Variants in TSPEAR observed in about 807,000 individuals in gnomAD.
TSPEAR encodes thrombospondin type laminin G domain and EAR repeats.
Under a neutral mutation model 71.6 loss-of-function variants are expected in TSPEAR, and 69 were observed. The ratio of observed to expected loss-of-function variants is 0.96; its 90% CI spans 0.79 to 1.18. The LOEUF is 1.18. TSPEAR is among the 50% of genes most tolerant of loss of function. The probability of loss-of-function intolerance (pLI) is 0.00; values close to 1 mark genes in which losing one functional copy is unlikely to be tolerated. For synonymous variants in TSPEAR, 402 were observed against 387.2 expected (o/e 1.04, Z -0.45); for missense variants, 971 against 894.9 (o/e 1.09, Z -1.09).
chr21:44,707,167 C>T (rs1168586886), intron 1 of TSPEAR, among the ~76,000 whole-genome samples: 1 of 152,180 alleles, frequency 6.6e-6, no homozygotes, highest in African/African-American at 2.4e-5. Context: ...CCACTGGACG[C>T]GGATTTGGGA....
Position 44,601,685 on chromosome 21 carries a change from C to T in TSPEAR, c.83-33680G>A, listed in dbSNP as rs138554312. ...TCTCTCCTTTGCCGCCCCGCATGCTCCCGCCCGGCCTGCTGTGGCCCCACC... is the reference window on the plus strand; with the variant it reads ...TCTCTCCTTTGCCGCCCCGCATGCTTCCGCCCGGCCTGCTGTGGCCCCACC... On this transcript the variant is annotated intron_variant, in intron 1 of 11. Coordinates refer to ENST00000323084, the MANE Select transcript of TSPEAR (RefSeq NM_144991.3). 16 of 1,612,446 alleles carry T rather than the reference C, an allele frequency of 9.9e-6. No individual in the cohort carries two copies. The Admixed American group carries it at 1.2e-4, about 12-fold the overall frequency.
In TSPEAR at chr21:44,638,408, G is replaced by C. The variant is rs1466802920; in HGVS notation, c.83-70403C>G. 5 of 395,544 alleles carry C rather than the reference G, an allele frequency of 1.3e-5. No homozygotes were observed. The Admixed American group carries it at 2.2e-4, about 18-fold the overall frequency. 24.5% of individuals were successfully genotyped at this position (395,544 alleles called of 1,614,324 possible). Reference sequence around the variant, plus strand: ...CCCCAGCAGGCCTGGTTCCACCCTGGGCAGCACCCCCTCTAGTTCTAATAA... The same window carrying C: ...CCCCAGCAGGCCTGGTTCCACCCTGCGCAGCACCCCCTCTAGTTCTAATAA... On this transcript the variant is annotated intron_variant, in intron 1 of 11. Coordinates refer to ENST00000323084, the MANE Select transcript of TSPEAR (RefSeq NM_144991.3).
rs143833189 is a variant in TSPEAR, at chr21:44,518,950, G to A, written c.1566+2933C>T. 7.2e-3 allele frequency: 1,849 copies of A among 257,812 alleles called. 16 individuals are homozygous for A. Among genetic ancestry groups the A allele is most frequent in the African/African-American group, 0.022 (968 of 44,714 alleles). The allele number at this position is 257,812 out of a possible 1,614,324, so 16.0% of individuals were successfully genotyped here. A position where few individuals can be genotyped will look rare whatever the true frequency, so the allele number is the denominator to read the frequency against. On this transcript the variant is annotated intron_variant, in intron 9 of 11. Transcript: ENST00000323084. ...GTTTCCACGGGAACTGCTGTCGGCC[G>A]GATTGCTGTGCTCTGCAGCTGTGCC...
chr21:44,701,133 C>T (rs1393568607), intron 1 of TSPEAR, among the ~76,000 whole-genome samples: 6 of 152,102 alleles, frequency 3.9e-5, no homozygotes, highest in East Asian at 1.9e-4. Context: ...TTTTTTAAAC[C>T]GACACATCAT....
chr21:44,649,561 G>A (rs895152311), intron 1 of TSPEAR, among the ~76,000 whole-genome samples: 3 of 152,154 alleles, frequency 2.0e-5, no homozygotes, highest in Admixed American at 6.5e-5. Context: ...CCCTTCTCCC[G>A]TGTGGCCCAC....
rs183615668 is a variant in TSPEAR at position 44,652,235 on chromosome 21, G to A, written c.82+59198C>T. On this transcript the variant is annotated intron_variant, in intron 1 of 11. Transcript: ENST00000323084. ...CCTGACCTCGTGATCCGCCCGCCTC[G>A]GCCTCCCAGAGTGCTGGGATGACAG... Among the ~76,000 whole-genome samples, 1,285 of 152,252 alleles carry A rather than the reference G, an allele frequency of 8.4e-3. 21 individuals carry two copies. Among genetic ancestry groups the A allele is most frequent in the African/African-American group, 0.03 (1,230 of 41,536 alleles).
chr21:44,528,509 C>T lies in TSPEAR; in HGVS notation c.865G>A (p.Ala289Thr), dbSNP rs1555915245. ...EVEDAQFWFD[A>T]SRKGLYLCVG... The stretch of plus-strand genomic sequence containing the variant: ...CACAGATACAGGCCCTTCCGGCTGG[C>T]ATCAAACCAGAACTGGGCGTCTTCC... The change falls in exon 6 of 12, where the codon GCC becomes ACC. Residue 289 changes from alanine (A) to threonine (T), a missense_variant. Ala to Thr is a moderately conservative substitution (Grantham distance 58). Coordinates refer to ENST00000323084, the MANE Select transcript of TSPEAR (RefSeq NM_144991.3). 6.2e-7 allele frequency: 1 copy of T among 1,614,176 alleles called. No homozygotes were observed. Among genetic ancestry groups the T allele is most frequent in the Non-Finnish European group, 8.5e-7 (1 of 1,180,032 alleles).
At chr21:44,513,647 C>T (rs916710667) in intron 9 of TSPEAR, among the ~76,000 whole-genome samples, 8 of 152,234 alleles carry the variant, frequency 5.3e-5, no homozygotes, top group African/African-American at 1.9e-4. Flanking sequence ...CCCCCAACAG[C>T]TCCCTCGAGG....
chr21:44,565,032 TA>T (rs1191421193), intron 2 of TSPEAR, among the ~76,000 whole-genome samples: 1 of 152,034 alleles, frequency 6.6e-6, no homozygotes, highest in African/African-American at 2.4e-5. Flanking sequence ...CACTCTTATA[TA>T]ACCAACAAAC....
At chr21:44,511,230 CTGCACACACA>C (rs374576208) in intron 9 of TSPEAR, among the ~76,000 whole-genome samples, 67 of 151,694 alleles carry the variant, frequency 4.4e-4, no homozygotes, top group Middle Eastern at 3.4e-3. Flanking sequence ...CTGCACACAC[CTGCACACACA>C]GGCCCATACC....
chr21:44,531,238 G>T, intron 3 of TSPEAR, 105 bp from the exon 4 acceptor site: 1 of 844,392 alleles, frequency 1.2e-6, no homozygotes, highest in Non-Finnish European at 1.9e-6. Context: ...GTGCATCTGT[G>T]CTGTGGCTGC....
At chr21:44,606,115 C>T (rs1981288230) in intron 1 of TSPEAR, among the ~76,000 whole-genome samples, 1 of 135,626 alleles carries the variant, frequency 7.4e-6, no homozygotes, top group South Asian at 2.4e-4. Flanking sequence ...ATAAATAACC[C>T]AATCTAAAAA....
intron 1 of TSPEAR, chr21:44,575,047 C>A: frequency 6.4e-7 from 1 of 1,567,368 alleles, no homozygotes; most frequent in Non-Finnish European, 8.7e-7. Context: ...CCCCCAGTGC[C>A]AGCCAGGCTC....
chr21:44,600,727 G>A (rs782766311), intron 1 of TSPEAR: 23 of 1,612,354 alleles, frequency 1.4e-5, no homozygotes, highest in East Asian at 1.3e-4. Flanking sequence ...GCAGGTGGAC[G>A]ACTGCCCAGA....
chr21:44,650,446 C>CGATGGTGGCAGAGACTGGGGCCACGTGAT, intron 1 of TSPEAR, among the ~76,000 whole-genome samples: 1 of 152,318 alleles, frequency 6.6e-6, no homozygotes, highest in African/African-American at 2.4e-5. Context: ...GGCCACGTGA[C>CGATGGTGGCAGAGACTGGGGCCACGTGAT]GACGGGGGCA....
At chr21:44,580,749 T>C (rs1978918712) in intron 1 of TSPEAR, 1 of 728,908 alleles carries the variant, frequency 1.4e-6, no homozygotes, top group Admixed American at 2.9e-5. Flanking sequence ...CTCTTCCTTG[T>C]TGGTGTTTAG....
intron 1 of TSPEAR, among the ~76,000 whole-genome samples, chr21:44,582,482 C>T (rs1420154874): frequency 6.6e-6 from 1 of 152,216 alleles, no homozygotes; most frequent in Non-Finnish European, 1.5e-5. Flanking sequence ...TGATAATTTG[C>T]TTTAGTTTTC....
intron 1 of TSPEAR, among the ~76,000 whole-genome samples, chr21:44,645,345 G>C (rs1555939300): frequency 1.4e-5 from 2 of 141,354 alleles, no homozygotes; most frequent in African/African-American, 2.7e-5. Context: ...GGATCGAAGG[G>C]AGGGCCACTT....
Position 44,601,528 on chromosome 21 carries a change from T to C in TSPEAR, c.83-33523A>G, listed in dbSNP as rs782792137. 2.0e-5 allele frequency: 33 copies of C among 1,613,902 alleles called. No individual in the cohort carries two copies. In the East Asian group the frequency reaches 7.4e-4, roughly 36 times the overall value. On this transcript the variant is annotated intron_variant, in intron 1 of 11. Coordinates refer to ENST00000323084, the MANE Select transcript of TSPEAR (RefSeq NM_144991.3). Reference sequence around the variant, plus strand: ...GCCGGCTTGCTGCACCACCTCCTGCTGCAGACCCTCCTCCTCCGTGTCCCT... The same window carrying C: ...GCCGGCTTGCTGCACCACCTCCTGCCGCAGACCCTCCTCCTCCGTGTCCCT...
Sources: allele counts gnomAD v4.1 joint callset (sites outside exome capture counted in the v4.1 genomes callset), GRCh38; gene constraint gnomAD v4.1.1; transcripts MANE v1.5; gene names NCBI Gene and HGNC (gene_info 2026-07-23, HGNC 2026-07-21).